Variants in RGS22 observed in about 807,000 individuals in gnomAD.
RGS22 encodes regulator of G-protein signaling 22.
A neutral mutation model predicts 172.9 loss-of-function variants in RGS22; 148 were observed. The observed-to-expected ratio is 0.86, with a 90% CI of 0.75 to 0.98. RGS22 has a LOEUF of 0.98. Ranked by LOEUF, RGS22 falls within the 50% of genes least tolerant of loss-of-function variation. The pLI, the probability that RGS22 is intolerant of heterozygous loss-of-function variation, is 0.00. For missense variants in RGS22, 1,347 were observed against 1,440.8 expected (o/e 0.93, Z 1.05); for synonymous variants, 458 against 480.2 (o/e 0.95, Z 0.60).
intron 27 of RGS22, among the ~76,000 whole-genome samples, 170 bp from the exon 28 acceptor site, chr8:99,961,366 G>A (rs994671340): frequency 6.6e-6 from 1 of 152,192 alleles, no homozygotes; most frequent in Non-Finnish European, 1.5e-5. Context: ...TCATGGGAGG[G>A]ACCCAGTGGG....
chr8:100,105,236 C>T (rs1042105859), intron 2 of RGS22, 138 bp downstream of exon 2: 11 of 677,842 alleles, frequency 1.6e-5, no homozygotes, highest in Non-Finnish European at 2.6e-5. Context: ...AGATCTTGTA[C>T]ACAGTTATTA....
intron 6 of RGS22, among the ~76,000 whole-genome samples, chr8:100,070,655 A>C (rs1379062875): frequency 6.6e-6 from 1 of 152,200 alleles, no homozygotes; most frequent in Non-Finnish European, 1.5e-5. Flanking sequence ...AATGGTGTAT[A>C]ATGTGTTATT....
Position 100,053,055 on chromosome 8 carries a change from G to A in RGS22, c.1515-79C>T. The stretch of plus-strand genomic sequence containing the variant: ...TGAAAAGCCTACAAAATACATAATA[G>A]CTGTGCTCACAATTAACAGTCTTGC... On this transcript the variant is annotated intron_variant, in intron 9 of 27. Coordinates refer to ENST00000360863, the MANE Select transcript of RGS22 (RefSeq NM_015668.5). 2.4e-6 allele frequency: 3 copies of A among 1,274,990 alleles called. No individual in the cohort carries two copies. The Admixed American group carries it at 5.6e-5, about 24-fold the overall frequency. The allele number at this position is 1,274,990 out of a possible 1,614,324, so 79.0% of individuals were successfully genotyped here.
chr8:100,051,490 T>TTTATA (rs1821314942), intron 10 of RGS22, among the ~76,000 whole-genome samples: 1 of 77,350 alleles, frequency 1.3e-5, no homozygotes, highest in Non-Finnish European at 2.3e-5. Flanking sequence ...TATTTATATA[T>TTTATA]AATATATAAT....
chr8:100,020,055 T>C (rs1190924177), intron 14 of RGS22, among the ~76,000 whole-genome samples: 1 of 152,124 alleles, frequency 6.6e-6, no homozygotes, highest in Non-Finnish European at 1.5e-5. Context: ...CAGCTAATTT[T>C]GTATTTTTAG....
intron 2 of RGS22, among the ~76,000 whole-genome samples, chr8:100,103,271 G>A (rs1490620555): frequency 6.6e-6 from 1 of 152,202 alleles, no homozygotes; most frequent in Non-Finnish European, 1.5e-5. Context: ...GAATATTGGA[G>A]GCAATGGTAT....
At chr8:100,040,118 C>G (rs372898330) in intron 12 of RGS22, 31 bp from the exon 13 acceptor site, 8 of 1,589,426 alleles carry the variant, frequency 5.0e-6, no homozygotes, top group Non-Finnish European at 6.8e-6. Flanking sequence ...CTATTATCCA[C>G]CCAAAAACAT....
At chr8:99,995,736 T>C (rs1814292384) in intron 20 of RGS22, among the ~76,000 whole-genome samples, 1 of 152,238 alleles carries the variant, frequency 6.6e-6, no homozygotes, top group African/African-American at 2.4e-5. Context: ...AGAATTACCA[T>C]TTGACTCAGC....
intron 6 of RGS22, among the ~76,000 whole-genome samples, chr8:100,068,573 T>C (rs1286975931): frequency 1.3e-5 from 2 of 152,218 alleles, no homozygotes; most frequent in Non-Finnish European, 2.9e-5. Flanking sequence ...TACATGTTTA[T>C]TGACCTCAAC....
chr8:100,001,203 T>TATATATATATATATATATAC (rs1554611121), intron 18 of RGS22, among the ~76,000 whole-genome samples: 51 of 8,790 alleles, frequency 5.8e-3, no homozygotes, highest in African/African-American at 0.048. Context: ...CCCAATTTTT[T>TATATATATATATATATATAC]ATATATATAT....
At chr8:100,045,674 G>A (rs1419143739) in intron 11 of RGS22, among the ~76,000 whole-genome samples, 1 of 151,248 alleles carries the variant, frequency 6.6e-6, no homozygotes, top group Non-Finnish European at 1.5e-5. Context: ...AAAAGCACAT[G>A]AATTTTGACT....
intron 14 of RGS22, among the ~76,000 whole-genome samples, chr8:100,011,521 A>G (rs1014697299): frequency 6.6e-6 from 1 of 152,140 alleles, no homozygotes; most frequent in Admixed American, 6.5e-5. Context: ...ACACATAATA[A>G]AAGTCAAAAT....
chr8:99,985,461 T>C (rs539653611), intron 21 of RGS22, among the ~76,000 whole-genome samples: 2 of 152,276 alleles, frequency 1.3e-5, no homozygotes, highest in East Asian at 3.9e-4. Flanking sequence ...ATTGTCCCCA[T>C]ACCCCATCAT....
chr8:100,007,335 T>C (rs1033660412), intron 15 of RGS22, among the ~76,000 whole-genome samples: 14 of 152,202 alleles, frequency 9.2e-5, no homozygotes, highest in Admixed American at 2.6e-4. Context: ...GGTTTTAATT[T>C]GTGATTCAAA....
chr8:100,105,861 G>C lies in RGS22; in HGVS notation c.25+36C>G. 4 of 1,496,146 alleles carry C rather than the reference G, an allele frequency of 2.7e-6. No homozygotes were observed. The South Asian group carries it at 3.8e-5, about 14-fold the overall frequency. 92.7% of individuals were successfully genotyped at this position (1,496,146 alleles called of 1,614,324 possible). A position where few individuals can be genotyped will look rare whatever the true frequency, so the allele number is the denominator to read the frequency against. On this transcript the variant is annotated intron_variant, in intron 1 of 27. Transcript: ENST00000360863. ...GCGCGTGGTGCGGCCCCGACGCCGC[G>C]GGCTGATCCTCTGTCCCTGTGGGGC...
At chr8:99,986,285 T>C (rs1172927253) in intron 21 of RGS22, among the ~76,000 whole-genome samples, 6 of 152,158 alleles carry the variant, frequency 3.9e-5, no homozygotes, top group African/African-American at 7.2e-5. Flanking sequence ...ACAAAAACTG[T>C]TGATAACAGA....
At chr8:100,103,380 T>G (rs938742321) in intron 2 of RGS22, among the ~76,000 whole-genome samples, 2 of 152,064 alleles carry the variant, frequency 1.3e-5, no homozygotes, top group African/African-American at 2.4e-5. Context: ...GAAAGGAGCT[T>G]GGTAAATGAT....
chr8:100,093,190 A>T lies in RGS22; in HGVS notation c.117+257T>A, dbSNP rs574506249. On this transcript the variant is annotated intron_variant, in intron 3 of 27. Transcript: ENST00000360863. ...AAAAAAAAAGCCTAACATGGTGCCA[A>T]ATACAGCTGAACCAGAGTTTGTACA... 325 of 325,546 alleles carry T rather than the reference A, an allele frequency of 1.0e-3. 1 individual carries two copies. The highest frequency in any genetic ancestry group is 2.2e-3 in the Admixed American group (47 of 20,970). 20.2% of individuals were successfully genotyped at this position (325,546 alleles called of 1,614,324 possible). A position where few individuals can be genotyped will look rare whatever the true frequency, so the allele number is the denominator to read the frequency against.
At chr8:100,050,272 G>T (rs1188033680) in intron 10 of RGS22, among the ~76,000 whole-genome samples, 1 of 152,076 alleles carries the variant, frequency 6.6e-6, no homozygotes, top group Non-Finnish European at 1.5e-5. Context: ...CTAAAATGTG[G>T]CTCTAATGTT....
Sources: gnomAD v4.1 joint callset for allele counts (sites outside exome capture counted in the v4.1 genomes callset) on GRCh38, gnomAD v4.1.1 for gene constraint, MANE v1.5 for transcripts, NCBI Gene and HGNC (gene_info 2026-07-23, HGNC 2026-07-21) for gene names.